Variants in USP45 observed in about 807,000 individuals in gnomAD.
The protein encoded by USP45 is ubiquitin carboxyl-terminal hydrolase 45.
In USP45, 89 loss-of-function variants were observed where a neutral mutation model predicts 95.8. That is an observed-to-expected ratio of 0.93 (90% CI 0.78 to 1.11). USP45 has a LOEUF of 1.11. USP45 is among the 50% of genes least tolerant of loss of function. The pLI is 0.00. For missense variants in USP45, 898 were observed against 942.5 expected (o/e 0.95, Z 0.62); for synonymous variants, 281 against 316.2 (o/e 0.89, Z 1.18).
chr6:99,507,562 A>T, intron 3 of USP45, 31 bp from the exon 4 acceptor site: 2 of 1,386,372 alleles, frequency 1.4e-6, no homozygotes, highest in Non-Finnish European at 2.0e-6. Flanking sequence ...ATTTTGTATG[A>T]CTTACAAATG....
intron 1 of USP45, among the ~76,000 whole-genome samples, chr6:99,512,129 T>C (rs1310019116): frequency 6.6e-6 from 1 of 152,144 alleles, no homozygotes; most frequent in Non-Finnish European, 1.5e-5. Context: ...CACTTGATAT[T>C]GGTTATGTCT....
chr6:99,484,171 T>G (rs1793231314), intron 7 of USP45, among the ~76,000 whole-genome samples: 1 of 150,422 alleles, frequency 6.6e-6, no homozygotes, highest in African/African-American at 2.4e-5. Context: ...CTTTTGTGTT[T>G]TTTCTTTTTT....
intron 13 of USP45, chr6:99,461,856 A>T (rs6570079): frequency 0.48 from 466,966 of 982,354 alleles, 113,108 homozygotes; most frequent in East Asian, 0.91. Flanking sequence ...CAGCTTCACT[A>T]ATCAGCAAAA....
intron 4 of USP45, among the ~76,000 whole-genome samples, chr6:99,505,663 T>C (rs1386338740): frequency 5.7e-5 from 8 of 139,350 alleles, no homozygotes. Flanking sequence ...AAAAAAAACA[T>C]AATGCATTAC....
intron 5 of USP45, among the ~76,000 whole-genome samples, chr6:99,499,706 A>C (rs1300181377): frequency 6.6e-6 from 1 of 152,122 alleles, no homozygotes; most frequent in African/African-American, 2.4e-5. Flanking sequence ...CATAAACACA[A>C]TTAAGGCTTA....
At chr6:99,513,475 T>C (rs1276420334) in intron 1 of USP45, among the ~76,000 whole-genome samples, 1 of 152,122 alleles carries the variant, frequency 6.6e-6, no homozygotes, top group Non-Finnish European at 1.5e-5. Context: ...CAATTTAAAT[T>C]TGATGTCCTG....
chr6:99,497,404 G>C (rs968090207), intron 5 of USP45, among the ~76,000 whole-genome samples: 2 of 152,092 alleles, frequency 1.3e-5, no homozygotes, highest in Non-Finnish European at 2.9e-5. Flanking sequence ...TAGTATTAAT[G>C]TAATCTGCCC....
intron 13 of USP45, 50 bp downstream of exon 13, chr6:99,464,554 G>A (rs780241547): frequency 6.4e-7 from 1 of 1,567,608 alleles, no homozygotes; most frequent in African/African-American, 1.4e-5. Flanking sequence ...TGAAACTTTT[G>A]TTAATAAACT....
Position 99,503,865 on chromosome 6 carries a change from C to T in USP45, c.378G>A (p.Trp126Ter). The T allele has an allele frequency of 6.5e-7, 1 of 1,548,002 alleles. No individual in the cohort carries two copies. The highest frequency in any genetic ancestry group is 1.4e-5 in the African/African-American group (1 of 72,436). ...IIINLSTWII[W>*]CYECDEKLST... is the part of the protein sequence containing the mutation. ...ATAATTTTTCATCACATTCATAACA[C>T]CTGAAAAAGTATAAAATTTAAGAAA... Residue 126 changes from tryptophan to a stop codon, truncating the protein, a stop_gained and splice_region_variant, in exon 5 of 18, where the codon TGG becomes TGA. Coordinates refer to ENST00000500704, the MANE Select transcript of USP45 (RefSeq NM_001346022.3). LOFTEE classifies it high-confidence loss of function.
At chr6:99,500,163 C>G (rs142104668) in intron 5 of USP45, among the ~76,000 whole-genome samples, 1 of 152,136 alleles carries the variant, frequency 6.6e-6, no homozygotes, top group Non-Finnish European at 1.5e-5. Context: ...CTCACTCTGT[C>G]GCCCAGGCTG....
upstream of USP45, among the ~76,000 whole-genome samples, chr6:99,517,192 CAAAG>C (rs1197910774): frequency 2.7e-5 from 4 of 146,712 alleles, no homozygotes; most frequent in Non-Finnish European, 4.5e-5. Context: ...ATGGATTATT[CAAAG>C]AAAGGAAATT....
intron 9 of USP45, among the ~76,000 whole-genome samples, chr6:99,473,492 G>A (rs1789973714): frequency 6.6e-6 from 1 of 151,794 alleles, no homozygotes; most frequent in African/African-American, 2.4e-5. Flanking sequence ...AGGTTGCAGT[G>A]AGCCGAGATC....
At chr6:99,506,065 A>T (rs1046878908) in intron 4 of USP45, among the ~76,000 whole-genome samples, 5 of 152,220 alleles carry the variant, frequency 3.3e-5, no homozygotes, top group Admixed American at 3.3e-4. Flanking sequence ...ACACAAATGC[A>T]GCTGGTGCCC....
chr6:99,472,305 C>A (rs1317572628), intron 9 of USP45, among the ~76,000 whole-genome samples: 1 of 151,768 alleles, frequency 6.6e-6, no homozygotes, highest in Non-Finnish European at 1.5e-5. Context: ...GCAACCTCCA[C>A]CTCGAGTTCA....
chr6:99,516,827 T>C (rs1182046912), upstream of USP45, among the ~76,000 whole-genome samples: 1 of 152,216 alleles, frequency 6.6e-6, no homozygotes, highest in Non-Finnish European at 1.5e-5. Flanking sequence ...ATTTGCATCT[T>C]AATTGTGTCA....
At chr6:99,463,610 G>A (rs772976270) in intron 13 of USP45, among the ~76,000 whole-genome samples, 2 of 151,860 alleles carry the variant, frequency 1.3e-5, no homozygotes, top group East Asian at 1.9e-4. Flanking sequence ...TCAGGATTTC[G>A]AGACCAGCCT....
chr6:99,470,353 T>A (rs183768378), intron 9 of USP45, among the ~76,000 whole-genome samples: 12 of 152,340 alleles, frequency 7.9e-5, no homozygotes, highest in African/African-American at 2.9e-4. Flanking sequence ...CTTCTGTGTA[T>A]GATATATGTT....
At chr6:99,444,399 A>G (rs904109391) in intron 14 of USP45, among the ~76,000 whole-genome samples, 2 of 152,078 alleles carry the variant, frequency 1.3e-5, no homozygotes, top group African/African-American at 2.4e-5. Flanking sequence ...CCATTTCTTT[A>G]TTACTAGTGT....
At chr6:99,507,750 G>A (rs1056499726) in intron 3 of USP45, among the ~76,000 whole-genome samples, 1 of 152,160 alleles carries the variant, frequency 6.6e-6, no homozygotes, top group African/African-American at 2.4e-5. Context: ...ACAATCATGG[G>A]CAAAGTTAAT....
Sources: allele counts gnomAD v4.1 joint callset (sites outside exome capture counted in the v4.1 genomes callset), GRCh38; gene constraint gnomAD v4.1.1; transcripts MANE v1.5; gene names NCBI Gene and HGNC (gene_info 2026-07-23, HGNC 2026-07-21).